The following DENND1B variants were observed in gnomAD, a reference collection of about 807,000 sequenced individuals.
The protein encoded by DENND1B is DENN domain containing 1B.
A neutral mutation model predicts 90.1 loss-of-function variants in DENND1B; 59 were observed. That is an observed-to-expected ratio of 0.65 (90% CI 0.53 to 0.81). The LOEUF (loss-of-function observed/expected upper bound fraction) is 0.81, where lower values mean the gene tolerates loss of function less well. Ranked by LOEUF, DENND1B falls within the 40% of genes least tolerant of loss-of-function variation. DENND1B has a pLI of 0.00. For synonymous variants in DENND1B, 337 were observed against 324.6 expected (o/e 1.04, Z -0.41); for missense variants, 862 against 912.6 (o/e 0.94, Z 0.71).
intron 15 of DENND1B, among the ~76,000 whole-genome samples, chr1:197,567,477 A>G (rs918840423): frequency 1.3e-5 from 2 of 152,130 alleles, no homozygotes; most frequent in East Asian, 3.9e-4. Flanking sequence ...GAATATTTCC[A>G]AAGTTATTTT....
At chr1:197,551,159 A>C (rs1373779888) in intron 16 of DENND1B, among the ~76,000 whole-genome samples, 1 of 151,750 alleles carries the variant, frequency 6.6e-6, no homozygotes, top group Admixed American at 6.6e-5. Context: ...GAACACTGCT[A>C]ATTTTTATTG....
chr1:197,779,663 C>A (rs570015949), upstream of DENND1B, among the ~76,000 whole-genome samples: 22 of 151,758 alleles, frequency 1.4e-4, no homozygotes, highest in Admixed American at 1.2e-3. Flanking sequence ...TCAAAGTCAC[C>A]CATTTAGTTT....
chr1:197,583,074 C>T (rs1337827733), intron 15 of DENND1B, 78 bp downstream of exon 15: 10 of 1,343,728 alleles, frequency 7.4e-6, no homozygotes, highest in Non-Finnish European at 1.1e-5. Context: ...AGGGTTTGTA[C>T]ATAGTTTTAT....
chr1:197,606,612 T>C (rs924580421), intron 13 of DENND1B: 2 of 152,270 alleles, frequency 1.3e-5, no homozygotes, highest in Non-Finnish European at 2.9e-5. Context: ...GCATTTCTTA[T>C]TATATTGACC....
At chr1:197,642,875 A>C (rs753929325) in intron 9 of DENND1B, 54 bp from the exon 10 acceptor site, 26 of 1,257,590 alleles carry the variant, frequency 2.1e-5, no homozygotes, top group Non-Finnish European at 3.0e-5. Flanking sequence ...AATGTGAAGA[A>C]AAACATTTTA....
chr1:197,632,855 GT>G (rs398049961), intron 10 of DENND1B, among the ~76,000 whole-genome samples: 24,429 of 152,172 alleles, frequency 0.16, 2,253 homozygotes, highest in Non-Finnish European at 0.2. Context: ...TTGAGTGATT[GT>G]TCTCAATAAC....
At chr1:197,520,687 CA>C (rs746958156) in intron 20 of DENND1B, among the ~76,000 whole-genome samples, 10 of 151,960 alleles carry the variant, frequency 6.6e-5, no homozygotes, top group Admixed American at 1.3e-4. Context: ...AACAAGGGTA[CA>C]TTTTTTTGGA....
chr1:197,713,848 A>ATTATATATAATATATTATATTATT, intron 3 of DENND1B, among the ~76,000 whole-genome samples: 1 of 58,760 alleles, frequency 1.7e-5, no homozygotes, highest in Non-Finnish European at 3.1e-5. Flanking sequence ...ATTATATTAT[A>ATTATATATAATATATTATATTATT]TTATTATAAT....
In DENND1B at chr1:197,509,655, T is replaced by A. The variant is rs1667892826; in HGVS notation, c.*805A>T. On this transcript the variant is annotated 3_prime_UTR_variant, in exon 23 of 23. Transcript: ENST00000620048. The stretch of plus-strand genomic sequence containing the variant: ...TTTTTTTTTTTTTTGTCAGGACGGT[T>A]TATGTTGTATTTGGCTTTCTTGGGG... The A allele has an allele frequency of 6.6e-6, 1 of 151,682 alleles. No individual in the cohort carries two copies. Among genetic ancestry groups the A allele is most frequent in the Non-Finnish European group, 1.5e-5 (1 of 67,650 alleles). The allele number at this position is 151,682 out of a possible 1,614,324, so 9.4% of individuals were successfully genotyped here.
chr1:197,706,870 G>C (rs774984442), intron 3 of DENND1B, among the ~76,000 whole-genome samples: 11 of 152,020 alleles, frequency 7.2e-5, no homozygotes, highest in Non-Finnish European at 1.5e-4. Flanking sequence ...TAGTATGGAA[G>C]TTCCTCAAAA....
chr1:197,572,847 TAACA>T (rs1188961982), intron 15 of DENND1B, among the ~76,000 whole-genome samples: 1 of 152,030 alleles, frequency 6.6e-6, no homozygotes, highest in Non-Finnish European at 1.5e-5. Flanking sequence ...GAAGGAAAAC[TAACA>T]AACAGAAAGG....
rs761035336 is a variant in DENND1B at position 197,735,667 on chromosome 1, A to G, written c.83-20593T>C. Reference sequence around the variant, plus strand: ...GTCGAGCTATGCGGTTTCAGCCGGTACAAGGTCTACCCCGGACACGGGAGG... The same window carrying G: ...GTCGAGCTATGCGGTTTCAGCCGGTGCAAGGTCTACCCCGGACACGGGAGG... On this transcript the variant is annotated intron_variant, in intron 2 of 22. Transcript: ENST00000620048. 5 of 1,613,972 alleles carry G rather than the reference A, an allele frequency of 3.1e-6. No individual in the cohort carries two copies. In the African/African-American group the frequency reaches 6.7e-5, roughly 22 times the overall value.
intron 15 of DENND1B, among the ~76,000 whole-genome samples, chr1:197,575,653 T>C (rs978424928): frequency 6.6e-6 from 1 of 152,188 alleles, no homozygotes; most frequent in Non-Finnish European, 1.5e-5. Flanking sequence ...TGCGGCACCA[T>C]TCACAATAGC....
intron 3 of DENND1B, chr1:197,689,003 A>T (rs1158649645): frequency 9.3e-6 from 2 of 215,404 alleles, no homozygotes; most frequent in Admixed American, 8.3e-5. Context: ...GGAATCTGAG[A>T]CCACCAAATA....
chr1:197,588,121 C>T (rs1346440148), intron 14 of DENND1B, among the ~76,000 whole-genome samples: 1 of 152,150 alleles, frequency 6.6e-6, no homozygotes, highest in Non-Finnish European at 1.5e-5. Context: ...GGGATCCCTG[C>T]CCTGCAGCAC....
Position 197,508,279 on chromosome 1 carries a change from T to C in DENND1B, c.*2181A>G, listed in dbSNP as rs187012849. The C allele has an allele frequency of 5.2e-4, 79 of 151,862 alleles. No individual in the cohort carries two copies. The highest frequency in any genetic ancestry group is 1.9e-3 in the African/African-American group (77 of 41,518). 9.4% of individuals were successfully genotyped at this position (151,862 alleles called of 1,614,324 possible). ...TATGAAGGAATATTTGCCAAGCAGA[T>C]TAACAACCAGAGTAACCTTTTTTCC... On this transcript the variant is annotated 3_prime_UTR_variant, in exon 23 of 23. Transcript: ENST00000620048.
At chr1:197,692,424 C>T (rs976338139) in intron 3 of DENND1B, among the ~76,000 whole-genome samples, 12 of 151,778 alleles carry the variant, frequency 7.9e-5, no homozygotes, top group African/African-American at 2.7e-4. Context: ...GACCAAACTA[C>T]CTTTGTAGCC....
Position 197,611,858 on chromosome 1 carries a change from TCAAAA to T in DENND1B, c.819+68_819+72del, listed in dbSNP as rs1195022886. ...TTTGTCCTATACCACTGATATTTCT[TCAAAA>T]CAAAACTGTTTTAACTATTATTTTA... On this transcript the variant is annotated intron_variant, in intron 12 of 22. Transcript: ENST00000620048. The T allele has an allele frequency of 1.8e-5, 25 of 1,391,534 alleles. No individual in the cohort carries two copies. The African/African-American group carries it at 2.0e-4, about 11-fold the overall frequency. The allele number at this position is 1,391,534 out of a possible 1,614,324, so 86.2% of individuals were successfully genotyped here.
At chr1:197,652,212 A>G in intron 7 of DENND1B, 23 bp downstream of exon 7, 2 of 1,600,642 alleles carry the variant, frequency 1.2e-6, no homozygotes. Flanking sequence ...ACTCCCAAAA[A>G]CAATTACTGA....
Sources: gnomAD v4.1 joint callset for allele counts (sites outside exome capture counted in the v4.1 genomes callset) on GRCh38, gnomAD v4.1.1 for gene constraint, MANE v1.5 for transcripts, NCBI Gene and HGNC (gene_info 2026-07-23, HGNC 2026-07-21) for gene names.